The following FAM161A variants were observed in gnomAD, a reference collection of about 807,000 sequenced individuals.
FAM161A encodes FAM161 centrosomal protein A, also known as protein FAM161A.
Under a neutral mutation model 70.9 loss-of-function variants are expected in FAM161A, and 57 were observed. The ratio of observed to expected loss-of-function variants is 0.80; its 90% CI spans 0.65 to 1.00. FAM161A has a LOEUF of 1.00. Ranked by LOEUF, FAM161A falls within the 50% of genes least tolerant of loss-of-function variation. The pLI is 0.00. For synonymous variants in FAM161A, 299 were observed against 295.7 expected (o/e 1.01, Z -0.12); for missense variants, 880 against 836.0 (o/e 1.05, Z -0.65).
chr2:61,827,359 C>A (rs1672408899), intron 5 of FAM161A, 101 bp from the exon 6 acceptor site: 1 of 1,200,370 alleles, frequency 8.3e-7, no homozygotes, highest in Non-Finnish European at 1.2e-6. Context: ...GCCTGTAATC[C>A]CAGTGCTTTG....
At chr2:61,820,085 T>G (rs1364824384), downstream of FAM161A, 1 of 342,990 alleles carries the variant, frequency 2.9e-6, no homozygotes, top group Non-Finnish European at 5.5e-6. Flanking sequence ...TTTAATGATG[T>G]GTTGGGTATA....
At chr2:61,851,929 CT>C (rs1673512060) in intron 1 of FAM161A, among the ~76,000 whole-genome samples, 2 of 152,104 alleles carry the variant, frequency 1.3e-5, no homozygotes, top group South Asian at 4.2e-4. Flanking sequence ...TAATATTTGA[CT>C]TTACTACATT....
rs199942821 is a variant in FAM161A, at chr2:61,832,248, C to CA, written c.1851+3761dup. 2.1e-4 allele frequency among the ~76,000 whole-genome samples: 29 copies of CA among 139,920 alleles called. 1 individual carries two copies. The highest frequency in any genetic ancestry group is 3.4e-4 in the Non-Finnish European group (22 of 65,046). 91.8% of individuals were successfully genotyped at this position (139,920 alleles called of 152,430 possible). ...ACAGAGTAAGACCCTGTCACACACA[C>CA]ACAAAAAAAAACCAACAACAACAAC... On this transcript the variant is annotated intron_variant, in intron 5 of 6. Coordinates refer to ENST00000404929, the MANE Select transcript of FAM161A (RefSeq NM_001201543.2).
At position 61,826,367 on chromosome 2, in the gene FAM161A, C is replaced by A; in HGVS notation, c.*88G>T. 7.0e-7 allele frequency: 1 copy of A among 1,435,318 alleles called. No homozygotes were observed. The highest frequency in any genetic ancestry group is 9.7e-7 in the Non-Finnish European group (1 of 1,031,186). The allele number at this position is 1,435,318 out of a possible 1,614,324, so 88.9% of individuals were successfully genotyped here. ...ACAGCCCTGCACATATCAGAAGCGT[C>A]CCCACAGATGTTCTAAACACAAATG... is the stretch of plus-strand genomic sequence containing the variant. On this transcript the variant is annotated 3_prime_UTR_variant, in exon 7 of 7. Transcript: ENST00000404929.
rs1390224017 is a variant in FAM161A at position 61,839,659 on chromosome 2, T to C, written c.1345A>G (p.Lys449Glu). 2 of 1,614,234 alleles carry C rather than the reference T, an allele frequency of 1.2e-6. No homozygotes were observed. Among genetic ancestry groups the C allele is most frequent in the Non-Finnish European group, 8.5e-7 (1 of 1,180,040 alleles). ...QKHLSEHKSP[K>E]LLTVCKPFDL... ...AATGGTTTACACACTGTTAAGAGTT[T>C]TGGAGACTTGTGTTCTGAGAGGTGT... The change falls in exon 3 of 7, where the codon AAA becomes GAA. Residue 449 changes from lysine to glutamate, a missense_variant. Transcript: ENST00000404929.
At position 61,832,234 on chromosome 2, in the gene FAM161A, C is replaced by A. The variant is rs576777132; in HGVS notation, c.1851+3776G>T. On this transcript the variant is annotated intron_variant, in intron 5 of 6. Coordinates refer to ENST00000404929, the MANE Select transcript of FAM161A (RefSeq NM_001201543.2). ...CACTCCAGCCTGGGACAGAGTAAGA[C>A]CCTGTCACACACACACAAAAAAAAA... Among the ~76,000 whole-genome samples the A allele has an allele frequency of 1.8e-3, 261 of 142,556 alleles. 2 individuals are homozygous for A. The highest frequency in any genetic ancestry group is 6.1e-3 in the African/African-American group (241 of 39,344). The allele number at this position is 142,556 out of a possible 152,430, so 93.5% of individuals were successfully genotyped here.
At chr2:61,852,700 C>T (rs762114773) in intron 1 of FAM161A, among the ~76,000 whole-genome samples, 5 of 152,090 alleles carry the variant, frequency 3.3e-5, no homozygotes, top group Non-Finnish European at 5.9e-5. Flanking sequence ...TCTCAGTCTG[C>T]CTTACTCTGG....
intron 1 of FAM161A, among the ~76,000 whole-genome samples, chr2:61,852,227 C>T (rs1572900762): frequency 6.6e-6 from 1 of 151,714 alleles, no homozygotes; most frequent in Non-Finnish European, 1.5e-5. Context: ...ATTGTATAAA[C>T]TGATCCCTCC....
chr2:61,847,071 A>G, intron 1 of FAM161A: 1 of 355,332 alleles, frequency 2.8e-6, no homozygotes, highest in Non-Finnish European at 5.7e-6. Flanking sequence ...CTGAGGCAGG[A>G]GAATCGCTTG....
chr2:61,829,450 G>A (rs531115349), intron 5 of FAM161A, among the ~76,000 whole-genome samples: 70 of 152,146 alleles, frequency 4.6e-4, no homozygotes, highest in Non-Finnish European at 8.4e-4. Flanking sequence ...AAACACTGCT[G>A]CTAAAACGCA....
At chr2:61,836,262 T>C in intron 4 of FAM161A, 153 bp from the exon 5 acceptor site, 1 of 660,998 alleles carries the variant, frequency 1.5e-6, no homozygotes, top group Non-Finnish European at 2.7e-6. Context: ...ATAAGCACAG[T>C]TCACAGTTTA....
At position 61,842,110 on chromosome 2, in the gene FAM161A, T is replaced by C; in HGVS notation, c.422+12A>G. ...TTTATACTCCACAAATAACATTGAG[T>C]TACAAGCTTACCTGGAAGAGTCACT... On this transcript the variant is annotated intron_variant, in intron 2 of 6. Coordinates refer to ENST00000404929, the MANE Select transcript of FAM161A (RefSeq NM_001201543.2). 1.4e-6 allele frequency: 2 copies of C among 1,434,126 alleles called. No individual in the cohort carries two copies. Among genetic ancestry groups the C allele is most frequent in the Non-Finnish European group, 2.0e-6 (2 of 1,016,038 alleles). The allele number at this position is 1,434,126 out of a possible 1,614,324, so 88.8% of individuals were successfully genotyped here.
chr2:61,828,746 G>A (rs951009378), intron 5 of FAM161A, among the ~76,000 whole-genome samples: 2 of 152,128 alleles, frequency 1.3e-5, no homozygotes, highest in Non-Finnish European at 2.9e-5. Flanking sequence ...GGAAGCAAGG[G>A]ATATAACAAA....
chr2:61,853,709 G>T (rs1673576145), intron 1 of FAM161A, 150 bp downstream of exon 1: 7 of 764,238 alleles, frequency 9.2e-6, no homozygotes, highest in Non-Finnish European at 1.3e-5. Flanking sequence ...TGAGCGTAGA[G>T]AAGGGGCTGG....
rs575153877 is a variant in FAM161A at position 61,843,393 on chromosome 2, C to T, written c.184-1033G>A. ...CTACTCGCCTCGGCCTCTCAAAGTG[C>T]TGGGATTATGGGCATGAGCCACCGT... is the stretch of plus-strand genomic sequence containing the variant. On this transcript the variant is annotated intron_variant, in intron 1 of 6. Transcript: ENST00000404929. Among the ~76,000 whole-genome samples, 15 of 151,854 alleles carry T rather than the reference C, an allele frequency of 9.9e-5. No homozygotes were observed. The South Asian group carries it at 2.1e-3, about 21-fold the overall frequency.
chr2:61,835,934 C>G, intron 5 of FAM161A, 76 bp downstream of exon 5: 1 of 945,336 alleles, frequency 1.1e-6, no homozygotes, highest in Non-Finnish European at 1.7e-6. Context: ...GAAAAATGGA[C>G]TGTAAATTTA....
chr2:61,806,598 T>A, the FAM161A span, among the ~76,000 whole-genome samples: 23 of 151,998 alleles, frequency 1.5e-4, no homozygotes, highest in Non-Finnish European at 2.9e-4. Context: ...AGGGAAAGAT[T>A]TAATGAGTAA....
the FAM161A span, among the ~76,000 whole-genome samples, chr2:61,807,120 G>T: frequency 2.0e-5 from 3 of 152,158 alleles, no homozygotes; most frequent in Admixed American, 2.0e-4. Flanking sequence ...TAACTTAGAA[G>T]AGACAAAGGT....
At chr2:61,836,918 T>C in intron 4 of FAM161A, 1 of 186,658 alleles carries the variant, frequency 5.4e-6, no homozygotes, top group Non-Finnish European at 1.2e-5. Flanking sequence ...CAGGCTGGAG[T>C]GCAGTGGTGC....
Sources: allele counts gnomAD v4.1 joint callset (sites outside exome capture counted in the v4.1 genomes callset), GRCh38; gene constraint gnomAD v4.1.1; transcripts MANE v1.5; gene names NCBI Gene and HGNC (gene_info 2026-07-23, HGNC 2026-07-21).